The following APEX2 variants were observed in gnomAD, a reference collection of about 807,000 sequenced individuals.
APEX2 encodes the protein apurinic/apyrimidinic endodeoxyribonuclease 2.
APEX2 carries 4 observed loss-of-function variants against 16.7 expected under a neutral mutation model. The ratio of observed to expected loss-of-function variants is 0.24; its 90% CI spans 0.12 to 0.55. The LOEUF (loss-of-function observed/expected upper bound fraction) is 0.55, where lower values mean the gene tolerates loss of function less well. Among genes scored for constraint, APEX2 ranks in the 20% least tolerant of loss-of-function variants. The pLI is 0.94. For synonymous variants in APEX2, 181 were observed against 166.9 expected (o/e 1.08, Z -0.65); for missense variants, 357 against 433.6 (o/e 0.82, Z 1.57).
Position 55,000,413 on chromosome X carries a change from G to A in APEX2, c.-10G>A, listed in dbSNP as rs1008681. On this transcript the variant is annotated 5_prime_UTR_variant, in exon 1 of 6. Coordinates refer to ENST00000374987, the MANE Select transcript of APEX2 (RefSeq NM_014481.4). ...TTGGCGCGGGCTGGGAGGTGTTCCAGCCCTTTAAGATGTTGCGCGTGGTGA... is the reference window on the plus strand; with the variant it reads ...TTGGCGCGGGCTGGGAGGTGTTCCAACCCTTTAAGATGTTGCGCGTGGTGA... 3.4e-6 allele frequency: 4 copies of A among 1,171,215 alleles called. No individual in the cohort carries two copies. Among genetic ancestry groups the A allele is most frequent in the Admixed American group, 2.5e-5 (1 of 39,949 alleles).
In APEX2 at chrX:55,003,120, C is replaced by A; in HGVS notation, c.569+12C>A. On this transcript the variant is annotated intron_variant, in intron 4 of 5. Transcript: ENST00000374987. Reference sequence around the variant, plus strand: ...CTGGCGGCAGGCAGGTACTGCAAGCCTGGGCAGTAAGGCTTCCTTGAGTTG... The same window carrying A: ...CTGGCGGCAGGCAGGTACTGCAAGCATGGGCAGTAAGGCTTCCTTGAGTTG... 1 of 1,210,193 alleles carries A rather than the reference C, an allele frequency of 8.3e-7. No homozygotes were observed.
At chrX:55,005,379 G>A (rs1244668781) in intron 5 of APEX2, among the ~76,000 whole-genome samples, 1 of 111,780 alleles carries the variant, frequency 8.9e-6, no homozygotes, top group Non-Finnish European at 1.9e-5. Flanking sequence ...AGAACTAATA[G>A]TGCCAGCTCA....
Position 55,000,521 on chromosome X carries a change from G to A in APEX2, c.99G>A (p.Gly33=), listed in dbSNP as rs777916232. ...GCAACTGTGCCGCCGTGGCCGTGGG[G>A]CGCATTTTGGACGAGCTGGATGCGG... ...EPSNCAAVAV[G]RILDELDADI... The change falls in exon 1 of 6, where the codon GGG becomes GGA. Residue 33 remains glycine (G), a synonymous_variant. Transcript: ENST00000374987. 2 of 1,210,380 alleles carry A rather than the reference G, an allele frequency of 1.7e-6. No individual in the cohort carries two copies. Among genetic ancestry groups the A allele is most frequent in the South Asian group, 1.8e-5 (1 of 56,561 alleles).
In APEX2 at chrX:55,003,068, T is replaced by C; in HGVS notation, c.529T>C (p.Leu177=). Residue 177 remains leucine (L), a synonymous_variant, in exon 4 of 6, where the codon TTG becomes CTG. Transcript: ENST00000374987. ...AGTCTTTAAGATGCGCTTCTATCGTTTGCTGCAAATCCGAGCAGAAGCCCT... is the reference window on the plus strand; with the variant it reads ...AGTCTTTAAGATGCGCTTCTATCGTCTGCTGCAAATCCGAGCAGAAGCCCT... ...RLVFKMRFYR[L]LQIRAEALLA... is the part of the protein sequence containing the mutation. 1 of 1,212,125 alleles carries C rather than the reference T, an allele frequency of 8.2e-7. No individual in the cohort carries two copies. The highest frequency in any genetic ancestry group is 1.1e-6 in the Non-Finnish European group (1 of 895,573).
intron 5 of APEX2, among the ~76,000 whole-genome samples, 154 bp downstream of exon 5, chrX:55,004,022 C>T (rs1221194561): frequency 7.1e-5 from 8 of 112,544 alleles, no homozygotes; most frequent in African/African-American, 2.3e-4. Flanking sequence ...ATTGGTCATT[C>T]ATTCAATAGA....
At chrX:55,006,290 A>T in intron 5 of APEX2, among the ~76,000 whole-genome samples, 1 of 111,268 alleles carries the variant, frequency 9.0e-6, no homozygotes, top group Non-Finnish European at 1.9e-5. Flanking sequence ...TGCAAGACAA[A>T]TGCAAGCTCG....
intron 2 of APEX2, 86 bp downstream of exon 2, chrX:55,001,715 A>ATATTTGATGAGAG: frequency 1.4e-6 from 1 of 728,453 alleles, no homozygotes; most frequent in Non-Finnish European, 2.0e-6. Context: ...GAGGGTAATA[A>ATATTTGATGAGAG]GAAATCTTAG....
rs774201190 is a variant in APEX2, at chrX:55,006,946, G to A, written c.1068G>A (p.Thr356=). ...AAAGTCCTGTGTTGGAGCAGTCGAC[G>A]CTGCAGCACAACAATCAAACCCGGG... ...LEQSPVLEQS[T]LQHNNQTRVQ... is the part of the protein sequence containing the mutation. Residue 356 remains threonine (T), a synonymous_variant, in exon 6 of 6, where the codon ACG becomes ACA. Transcript: ENST00000374987. 5 of 1,211,788 alleles carry A rather than the reference G, an allele frequency of 4.1e-6. No homozygotes were observed. Among genetic ancestry groups the A allele is most frequent in the Middle Eastern group, 2.3e-4 (1 of 4,356 alleles).
Position 55,007,565 on chromosome X carries a change from C to A in APEX2, c.*130C>A. The A allele has an allele frequency of 1.3e-6, 1 of 754,134 alleles. No individual in the cohort carries two copies. Among genetic ancestry groups the A allele is most frequent in the Non-Finnish European group, 1.8e-6 (1 of 544,497 alleles). The allele number at this position is 754,134 out of a possible 1,213,427, so 62.1% of individuals were successfully genotyped here. ...CCCTTCTCTTCCTCTTTTAAGCCCTCTCTTCCTCGCTTTCCTTCCTACCTA... is the reference window on the plus strand; with the variant it reads ...CCCTTCTCTTCCTCTTTTAAGCCCTATCTTCCTCGCTTTCCTTCCTACCTA... On this transcript the variant is annotated 3_prime_UTR_variant, in exon 6 of 6. Coordinates refer to ENST00000374987, the MANE Select transcript of APEX2 (RefSeq NM_014481.4).
rs1288534435 is a variant in APEX2 at position 55,003,974 on chromosome X, G to A, written c.639+106G>A. 22 of 727,053 alleles carry A rather than the reference G, an allele frequency of 3.0e-5. No individual in the cohort carries two copies. The East Asian group carries it at 5.0e-4, about 16-fold the overall frequency. The allele number at this position is 727,053 out of a possible 1,213,427, so 59.9% of individuals were successfully genotyped here. A position where few individuals can be genotyped will look rare whatever the true frequency, so the allele number is the denominator to read the frequency against. ...GGGACAGCTTCCTTTATGGGAAAGC[G>A]GAGCTTGGCTTGCAATACTATTCTT... On this transcript the variant is annotated intron_variant, in intron 5 of 5. Coordinates refer to ENST00000374987, the MANE Select transcript of APEX2 (RefSeq NM_014481.4).
intron 2 of APEX2, among the ~76,000 whole-genome samples, chrX:55,002,031 C>T (rs985788902): frequency 8.9e-6 from 1 of 112,481 alleles, no homozygotes. Flanking sequence ...ATTGCTAATA[C>T]GTCTTGAGCA....
chrX:55,003,875 C>G lies in APEX2; in HGVS notation c.639+7C>G. The G allele has an allele frequency of 1.7e-6, 2 of 1,209,329 alleles. No homozygotes were observed. The highest frequency in any genetic ancestry group is 1.1e-6 in the Non-Finnish European group (1 of 893,091). On this transcript the variant is annotated splice_region_variant and intron_variant, in intron 5 of 5. Coordinates refer to ENST00000374987, the MANE Select transcript of APEX2 (RefSeq NM_014481.4). ...CTGGGATGCAGTCAACCTGGTAAGG[C>G]TCCCTCTAGGTGCCTGGCCCCACTC...
chrX:55,003,315 A>C (rs1193540244), intron 4 of APEX2, among the ~76,000 whole-genome samples: 1 of 112,558 alleles, frequency 8.9e-6, no homozygotes, highest in Admixed American at 9.3e-5. Flanking sequence ...TCCTGCTCTT[A>C]CTCATTGTGA....
At chrX:55,001,465 C>A in intron 1 of APEX2, 81 bp from the exon 2 acceptor site, 1 of 783,983 alleles carries the variant, frequency 1.3e-6, no homozygotes, top group Non-Finnish European at 1.8e-6. Flanking sequence ...AAGGAATTAG[C>A]CTACAACTGT....
In APEX2 at chrX:55,006,535, C is replaced by T; in HGVS notation, c.657C>T (p.Asp219=). Residue 219 remains aspartate, a synonymous_variant, in exon 6 of 6, where the codon GAC becomes GAT. Coordinates refer to ENST00000374987, the MANE Select transcript of APEX2 (RefSeq NM_014481.4). ...DAVNLECFEE[D]PGRKWMDSLL... Reference sequence around the variant, plus strand: ...TCACCTAGGAATGCTTTGAAGAGGACCCAGGGCGCAAGTGGATGGACAGCT... The same window carrying T: ...TCACCTAGGAATGCTTTGAAGAGGATCCAGGGCGCAAGTGGATGGACAGCT... 8.9e-7 allele frequency: 1 copy of T among 1,125,840 alleles called. No homozygotes were observed. The highest frequency in any genetic ancestry group is 3.1e-5 in the East Asian group (1 of 32,566). The allele number at this position is 1,125,840 out of a possible 1,213,427, so 92.8% of individuals were successfully genotyped here.
chrX:55,003,770 T>A (rs1380058266), intron 4 of APEX2, 29 bp from the exon 5 acceptor site: 18 of 1,200,732 alleles, frequency 1.5e-5, no homozygotes, highest in Non-Finnish European at 2.0e-5. Flanking sequence ...CTGCACCCCT[T>A]TCTAACAATC....
chrX:55,003,637 G>A (rs1321694374), intron 4 of APEX2, among the ~76,000 whole-genome samples, 162 bp from the exon 5 acceptor site: 1 of 112,039 alleles, frequency 8.9e-6, no homozygotes, highest in Non-Finnish European at 1.9e-5. Flanking sequence ...ATGAAAGGCA[G>A]CAAGTTTGTG....
chrX:55,007,038 G>T lies in APEX2; in HGVS notation c.1160G>T (p.Ser387Ile). The T allele has an allele frequency of 8.3e-7, 1 of 1,211,436 alleles. No individual in the cohort carries two copies. Among genetic ancestry groups the T allele is most frequent in the East Asian group, 3.0e-5 (1 of 33,815 alleles). ...TRPQPSQVGS[S>I]RGQKNLKSYF... The stretch of plus-strand genomic sequence containing the variant: ...CCTCAGCCCAGTCAGGTTGGCTCTA[G>T]CAGAGGCCAGAAAAACCTGAAGAGC... Residue 387 changes from serine to isoleucine, a missense_variant, in exon 6 of 6, where the codon AGC becomes ATC. Transcript: ENST00000374987.
At chrX:55,006,372 C>G in intron 5 of APEX2, 146 bp from the exon 6 acceptor site, 1 of 366,328 alleles carries the variant, frequency 2.7e-6, no homozygotes, top group Non-Finnish European at 4.5e-6. Context: ...TCTGCCAATT[C>G]CGGACTGTGT....
Sources: allele counts gnomAD v4.1 joint callset (sites outside exome capture counted in the v4.1 genomes callset), GRCh38; gene constraint gnomAD v4.1.1; transcripts MANE v1.5; gene names NCBI Gene and HGNC (gene_info 2026-07-23, HGNC 2026-07-21).